The following ZNF860 variants were observed in gnomAD, a reference collection of about 807,000 sequenced individuals.
ZNF860 encodes zinc finger protein 860.
For synonymous variants in ZNF860, 206 were observed against 248.9 expected (o/e 0.83, Z 1.62); for missense variants, 641 against 759.2 (o/e 0.84, Z 1.83).
chr3:32,005,994 G>T, the ZNF860 span, among the ~76,000 whole-genome samples: 3 of 151,204 alleles, frequency 2.0e-5, no homozygotes, highest in African/African-American at 7.3e-5. Context: ...ACCCAGACTG[G>T]AGTGCAGTGG....
Position 31,988,807 on chromosome 3 carries a change from C to T in ZNF860, c.-273C>T. 1 of 498,260 alleles carries T rather than the reference C, an allele frequency of 2.0e-6. No homozygotes were observed. The highest frequency in any genetic ancestry group is 3.4e-5 in the East Asian group (1 of 29,426). 30.9% of individuals were successfully genotyped at this position (498,260 alleles called of 1,614,324 possible). On this transcript the variant is annotated 5_prime_UTR_variant, in exon 2 of 2. Transcript: ENST00000360311. ...GACCTGCTAACAGCCATGTGAGTGA[C>T]CTTGGAAGTAGGTTGTCACCAGTCA...
At chr3:32,000,401 T>A in the ZNF860 span, among the ~76,000 whole-genome samples, 1 of 152,232 alleles carries the variant, frequency 6.6e-6, no homozygotes, top group African/African-American at 2.4e-5. Flanking sequence ...CATAGCTATA[T>A]GACCTCTCTG....
chr3:31,991,564 T>C lies in ZNF860; in HGVS notation c.*586T>C, dbSNP rs1699030148. 6.0e-6 allele frequency: 1 copy of C among 166,878 alleles called. No individual in the cohort carries two copies. The highest frequency in any genetic ancestry group is 1.9e-4 in the East Asian group (1 of 5,210). 10.3% of individuals were successfully genotyped at this position (166,878 alleles called of 1,614,324 possible). A position where few individuals can be genotyped will look rare whatever the true frequency, so the allele number is the denominator to read the frequency against. On this transcript the variant is annotated 3_prime_UTR_variant, in exon 2 of 2. Transcript: ENST00000360311. The stretch of plus-strand genomic sequence containing the variant: ...TTTAACATTGTTTATTGTTAATGTA[T>C]GGAAATTTAACTAATTTTTGGTACT...
downstream of ZNF860, among the ~76,000 whole-genome samples, chr3:31,993,251 C>T (rs1699053823): frequency 6.6e-6 from 1 of 150,682 alleles, no homozygotes; most frequent in Admixed American, 6.6e-5. Flanking sequence ...CTCTTGTTGA[C>T]CAGGCTGGAG....
At chr3:31,983,517 A>G (rs934356832) in intron 1 of ZNF860, among the ~76,000 whole-genome samples, 9 of 152,230 alleles carry the variant, frequency 5.9e-5, no homozygotes, top group African/African-American at 1.4e-4. Flanking sequence ...AGTCAAGGCC[A>G]GGATGGGGCA....
the ZNF860 span, among the ~76,000 whole-genome samples, chr3:32,004,544 A>T: frequency 6.6e-6 from 1 of 152,208 alleles, no homozygotes; most frequent in Non-Finnish European, 1.5e-5. Flanking sequence ...TATCGGCTGG[A>T]GAACTAGAAA....
the ZNF860 span, among the ~76,000 whole-genome samples, chr3:31,997,854 C>T: frequency 2.0e-5 from 3 of 152,076 alleles, no homozygotes; most frequent in African/African-American, 7.2e-5. Flanking sequence ...TTGGCACAAT[C>T]CCAACTCATG....
rs573670644 is a variant in ZNF860, at chr3:31,990,415, C to T, written c.1336C>T (p.Arg446Ter). 22 of 1,607,968 alleles carry T rather than the reference C, an allele frequency of 1.4e-5. No individual in the cohort carries two copies. The highest frequency in any genetic ancestry group is 5.5e-5 in the South Asian group (5 of 90,618). ...RRRSYLVVHWRTHTGEKPYKC... is the reference protein window; with the variant it reads ...RRRSYLVVHW Reference sequence around the variant, plus strand: ...TCGTTCATATCTCGTAGTTCATTGGCGAACTCATACTGGAGAGAAACCTTA... The same window carrying T: ...TCGTTCATATCTCGTAGTTCATTGGTGAACTCATACTGGAGAGAAACCTTA... The change falls in exon 2 of 2, where the codon CGA becomes TGA. Residue 446 changes from arginine to a stop codon, truncating the protein, a stop_gained. Transcript: ENST00000360311. LOFTEE classifies it low-confidence loss of function (END_TRUNC).
the ZNF860 span, among the ~76,000 whole-genome samples, chr3:32,001,193 A>G: frequency 1.3e-5 from 2 of 152,090 alleles, no homozygotes; most frequent in Non-Finnish European, 2.9e-5. Flanking sequence ...TGTGCTTGCA[A>G]CCAAGCAGCG....
intron 1 of ZNF860, among the ~76,000 whole-genome samples, chr3:31,985,873 A>G (rs911651592): frequency 1.3e-5 from 2 of 152,262 alleles, no homozygotes; most frequent in African/African-American, 4.8e-5. Context: ...CCACATGAGG[A>G]GATCTACAGT....
In ZNF860 at chr3:31,991,260, A is replaced by G; in HGVS notation, c.*282A>G. ...CAGGAGTTTGAGACCATCCTGGCCA[A>G]AAGACGTGAGCCACTTTTCCTAGCC... On this transcript the variant is annotated 3_prime_UTR_variant, in exon 2 of 2. Transcript: ENST00000360311. The G allele has an allele frequency of 2.9e-6, 1 of 349,874 alleles. No homozygotes were observed. The highest frequency in any genetic ancestry group is 5.4e-6 in the Non-Finnish European group (1 of 185,920). The allele number at this position is 349,874 out of a possible 1,614,324, so 21.7% of individuals were successfully genotyped here.
the ZNF860 span, among the ~76,000 whole-genome samples, chr3:32,005,099 G>A: frequency 1.1e-4 from 16 of 152,114 alleles, no homozygotes; most frequent in African/African-American, 3.9e-4. Flanking sequence ...TGGTGTACAT[G>A]TGCAGAACGT....
At chr3:31,997,210 AAT>A in the ZNF860 span, among the ~76,000 whole-genome samples, 2 of 152,162 alleles carry the variant, frequency 1.3e-5, no homozygotes, top group Non-Finnish European at 2.9e-5. Flanking sequence ...TTACAATGTC[AAT>A]AGGCAGTGTT....
intron 1 of ZNF860, among the ~76,000 whole-genome samples, 191 bp downstream of exon 1, chr3:31,982,093 A>C (rs1698861954): frequency 6.6e-6 from 1 of 152,132 alleles, no homozygotes; most frequent in African/African-American, 2.4e-5. Flanking sequence ...GGCAAGTCAA[A>C]ACCTATCCAT....
In ZNF860 at chr3:31,991,011, T is replaced by A; in HGVS notation, c.*33T>A. 1 of 1,532,956 alleles carries A rather than the reference T, an allele frequency of 6.5e-7. No homozygotes were observed. Among genetic ancestry groups the A allele is most frequent in the East Asian group, 2.3e-5 (1 of 43,140 alleles). The allele number at this position is 1,532,956 out of a possible 1,614,324, so 95.0% of individuals were successfully genotyped here. On this transcript the variant is annotated 3_prime_UTR_variant, in exon 2 of 2. Transcript: ENST00000360311. ...TCCTTGCAAAACATCAGAAAATTCA[T>A]TCCTGAGATAATTGTTCCAAATGCA...
At chr3:32,004,766 C>T in the ZNF860 span, among the ~76,000 whole-genome samples, 1 of 152,186 alleles carries the variant, frequency 6.6e-6, no homozygotes, top group Non-Finnish European at 1.5e-5. Context: ...CAGTTATTTG[C>T]AGGTGTATGG....
chr3:31,993,418 G>T (rs1039754852), downstream of ZNF860, among the ~76,000 whole-genome samples: 5 of 151,938 alleles, frequency 3.3e-5, no homozygotes, highest in Admixed American at 2.6e-4. Context: ...ATGTTGGTCA[G>T]GCTGGTTTCA....
Position 31,989,580 on chromosome 3 carries a change from C to T in ZNF860, c.501C>T (p.His167=). The change falls in exon 2 of 2, where the codon CAC becomes CAT. Residue 167 remains histidine (H), a synonymous_variant. Coordinates refer to ENST00000360311, the MANE Select transcript of ZNF860 (RefSeq NM_001137674.3). ...TTCATTCGCATCTTCCTGAACTCCA[C>T]ATATTTCAGACCAAAGGGAAAGTTG... is the stretch of plus-strand genomic sequence containing the variant. ...LSFHSHLPEL[H]IFQTKGKVGN... The T allele has an allele frequency of 6.2e-7, 1 of 1,614,222 alleles. No homozygotes were observed. The highest frequency in any genetic ancestry group is 1.3e-5 in the African/African-American group (1 of 75,068).
rs558504636 is a variant in ZNF860 at position 31,989,256 on chromosome 3, C to A, written c.177C>A (p.Asn59Lys). The change falls in exon 2 of 2, where the codon AAC becomes AAA. Residue 59 changes from asparagine to lysine, a missense_variant. Asn to Lys is a moderately conservative substitution (Grantham distance 94, BLOSUM62 0). Transcript: ENST00000360311. ...YRAMMLENYRNLHSVDISSKC... is the reference protein window; with the variant it reads ...YRAMMLENYRKLHSVDISSKC... ...CCATGATGTTGGAGAACTACAGGAA[C>A]CTGCATTCTGTGGATATCTCTTCCA... 2.3e-4 allele frequency: 371 copies of A among 1,614,148 alleles called. 5 individuals carry two copies. The South Asian group carries it at 3.8e-3, about 17-fold the overall frequency.
Sources: gnomAD v4.1 joint callset for allele counts (sites outside exome capture counted in the v4.1 genomes callset) on GRCh38, gnomAD v4.1.1 for gene constraint, MANE v1.5 for transcripts, NCBI Gene and HGNC (gene_info 2026-07-23, HGNC 2026-07-21) for gene names.